The following DYM variants were observed in gnomAD, a reference collection of about 807,000 sequenced individuals.
The protein encoded by DYM is dyggve-Melchior-Clausen syndrome protein.
DYM carries 78 observed loss-of-function variants against 93.1 expected under a neutral mutation model. The observed-to-expected ratio is 0.84, with a 90% CI of 0.70 to 1.01. The LOEUF is 1.01. DYM is among the 50% of genes least tolerant of loss of function. The pLI, the probability that DYM is intolerant of heterozygous loss-of-function variation, is 0.00. For synonymous variants in DYM, 321 were observed against 319.7 expected, an observed-to-expected ratio of 1.00 and a Z score of -0.04; for missense variants, 789 against 845.0, an observed-to-expected ratio of 0.93 and a Z score of 0.82.
chr18:49,183,844 G>A (rs1208865421), intron 14 of DYM, among the ~76,000 whole-genome samples: 1 of 152,154 alleles, frequency 6.6e-6, no homozygotes, highest in Admixed American at 6.5e-5. Flanking sequence ...TCATAAGGGT[G>A]AGGCTCTGAC....
intron 13 of DYM, among the ~76,000 whole-genome samples, chr18:49,236,031 A>G (rs1020175608): frequency 3.3e-5 from 5 of 152,176 alleles, no homozygotes; most frequent in Non-Finnish European, 7.4e-5. Flanking sequence ...ATTTTGTTTC[A>G]ACTTTTTTGT....
At chr18:49,311,272 G>A (rs1023652366) in intron 8 of DYM, among the ~76,000 whole-genome samples, 2 of 152,106 alleles carry the variant, frequency 1.3e-5, no homozygotes, top group African/African-American at 4.8e-5. Context: ...GTGTGCCACT[G>A]AGGGCTTTAC....
At chr18:49,219,646 A>C (rs1384985668) in intron 13 of DYM, among the ~76,000 whole-genome samples, 1 of 152,168 alleles carries the variant, frequency 6.6e-6, no homozygotes, top group African/African-American at 2.4e-5. Context: ...ACAGAGCCAA[A>C]GACAAAAACC....
At chr18:49,154,721 G>A (rs2086195188) in intron 15 of DYM, among the ~76,000 whole-genome samples, 1 of 151,734 alleles carries the variant, frequency 6.6e-6, no homozygotes, top group African/African-American at 2.4e-5. Context: ...ATCTCTATAA[G>A]TCTAAAATTA....
At chr18:49,300,744 A>G (rs1161476566) in intron 8 of DYM, among the ~76,000 whole-genome samples, 8 of 152,194 alleles carry the variant, frequency 5.3e-5, no homozygotes, top group Admixed American at 4.6e-4. Context: ...GTATAGATAT[A>G]TTCCTACCTG....
intron 8 of DYM, among the ~76,000 whole-genome samples, chr18:49,298,308 G>A (rs566764229): frequency 1.3e-5 from 2 of 152,228 alleles, no homozygotes; most frequent in African/African-American, 2.4e-5. Flanking sequence ...GGCTGGGTGC[G>A]GTGGCTCATA....
chr18:49,217,091 G>C (rs2093096840), intron 13 of DYM, among the ~76,000 whole-genome samples: 1 of 152,194 alleles, frequency 6.6e-6, no homozygotes, highest in South Asian at 2.1e-4. Context: ...CAAGGATCGA[G>C]AACTACATGA....
intron 17 of DYM, among the ~76,000 whole-genome samples, chr18:49,053,889 C>T (rs2075245578): frequency 6.6e-6 from 1 of 152,134 alleles, no homozygotes; most frequent in Admixed American, 6.5e-5. Flanking sequence ...GCTCCTTGAA[C>T]AGGGTGCGTC....
In DYM at chr18:49,127,856, A is replaced by G. The variant is rs138214488; in HGVS notation, c.1729-8930T>C. Reference sequence around the variant, plus strand: ...CTGAAGAATAAATCCTGTGACCTAAAAAGACAATGGGTAACCTTAATAAAG... The same window carrying G: ...CTGAAGAATAAATCCTGTGACCTAAGAAGACAATGGGTAACCTTAATAAAG... On this transcript the variant is annotated intron_variant, in intron 15 of 17. Coordinates refer to ENST00000675505, the MANE Select transcript of DYM (RefSeq NM_001353214.3). Among the ~76,000 whole-genome samples, 771 of 152,326 alleles carry G rather than the reference A, an allele frequency of 5.1e-3. 2 individuals carry two copies. The highest frequency in any genetic ancestry group is 0.01 in the Middle Eastern group (3 of 294).
chr18:49,321,454 G>A, intron 8 of DYM: 1 of 397,474 alleles, frequency 2.5e-6, no homozygotes, highest in Non-Finnish European at 4.4e-6. Context: ...TTTAAAAGTG[G>A]TTGTCAGCAA....
At chr18:49,373,723 C>T (rs79489812) in intron 5 of DYM, among the ~76,000 whole-genome samples, 14,408 of 152,056 alleles carry the variant, frequency 0.095, 887 homozygotes, top group East Asian at 0.31. Flanking sequence ...GACAATATCA[C>T]GTTAAATAAA....
chr18:49,153,925 A>T (rs2086099062), intron 15 of DYM, among the ~76,000 whole-genome samples: 1 of 152,204 alleles, frequency 6.6e-6, no homozygotes, highest in Admixed American at 6.5e-5. Context: ...GAAAAATAAC[A>T]AATTTACAGT....
At chr18:49,436,835 A>G (rs1464397387) in intron 1 of DYM, among the ~76,000 whole-genome samples, 1 of 152,188 alleles carries the variant, frequency 6.6e-6, no homozygotes, top group East Asian at 1.9e-4. Context: ...CCAGATCAAA[A>G]GAAATGAAAA....
chr18:49,191,399 T>C (rs2090961262), intron 14 of DYM, among the ~76,000 whole-genome samples: 1 of 151,998 alleles, frequency 6.6e-6, no homozygotes, highest in Non-Finnish European at 1.5e-5. Context: ...GAAATCTAGT[T>C]GAAAATACCC....
chr18:49,120,199 G>A (rs1732499386), intron 15 of DYM, among the ~76,000 whole-genome samples: 1 of 151,464 alleles, frequency 6.6e-6, no homozygotes, highest in South Asian at 2.1e-4. Context: ...AATGAAAAAG[G>A]GAAACCAACT....
At chr18:49,079,149 C>A (rs1363964273) in intron 17 of DYM, among the ~76,000 whole-genome samples, 1 of 152,098 alleles carries the variant, frequency 6.6e-6, no homozygotes, top group Non-Finnish European at 1.5e-5. Flanking sequence ...TATTTCTCGG[C>A]TGAGACATCT....
At chr18:49,430,156 T>C (rs566358847) in intron 2 of DYM, 99 bp downstream of exon 2, 44 of 1,117,672 alleles carry the variant, frequency 3.9e-5, no homozygotes, top group African/African-American at 2.7e-4. Flanking sequence ...ATAGACTAGA[T>C]AGATAGACAG....
At chr18:49,249,197 A>G (rs2144910655) in intron 13 of DYM, among the ~76,000 whole-genome samples, 1 of 152,324 alleles carries the variant, frequency 6.6e-6, no homozygotes, top group East Asian at 1.9e-4. Context: ...TGAAGAGTCA[A>G]TACCCTCGAC....
At chr18:49,459,535 G>A (rs904419337) in intron 1 of DYM, among the ~76,000 whole-genome samples, 6 of 151,640 alleles carry the variant, frequency 4.0e-5, no homozygotes, top group African/African-American at 1.2e-4. Flanking sequence ...TCCTCTCCAC[G>A]GCCTCCACCC....
Sources: gnomAD v4.1 joint callset for allele counts (sites outside exome capture counted in the v4.1 genomes callset) on GRCh38, gnomAD v4.1.1 for gene constraint, MANE v1.5 for transcripts, NCBI Gene and HGNC (gene_info 2026-07-23, HGNC 2026-07-21) for gene names.